The following SRSF11 variants were observed in gnomAD, a reference collection of about 807,000 sequenced individuals.
The protein encoded by SRSF11 is serine/arginine-rich splicing factor 11.
Under a neutral mutation model 56.0 loss-of-function variants are expected in SRSF11, and 9 were observed. The observed-to-expected ratio is 0.16, with a 90% CI of 0.10 to 0.28. The LOEUF (loss-of-function observed/expected upper bound fraction) is 0.28, where lower values mean the gene tolerates loss of function less well. Among genes scored for constraint, SRSF11 ranks in the 10% least tolerant of loss-of-function variants. The probability of loss-of-function intolerance (pLI) is 1.00; values close to 1 mark genes in which losing one functional copy is unlikely to be tolerated. For missense variants in SRSF11, 421 were observed against 600.7 expected (o/e 0.70, Z 3.13); for synonymous variants, 222 against 215.3 (o/e 1.03, Z -0.27).
intron 7 of SRSF11, among the ~76,000 whole-genome samples, chr1:70,241,265 T>C (rs371995074): frequency 6.6e-6 from 1 of 152,214 alleles, no homozygotes; most frequent in African/African-American, 2.4e-5. Context: ...TTGTCACGTC[T>C]CTATTAAAAG....
intron 1 of SRSF11, among the ~76,000 whole-genome samples, chr1:70,222,596 A>G (rs1457041385): frequency 1.3e-5 from 2 of 152,220 alleles, no homozygotes; most frequent in South Asian, 2.1e-4. Context: ...AAATAGTTCA[A>G]AGAAGCTAAG....
intron 6 of SRSF11, 122 bp downstream of exon 6, chr1:70,237,674 T>C: frequency 7.3e-7 from 1 of 1,366,756 alleles, no homozygotes; most frequent in Non-Finnish European, 9.9e-7. Flanking sequence ...GATAAAAGAT[T>C]GTATAGTGGA....
intron 2 of SRSF11, chr1:70,230,274 T>G (rs1672593791): frequency 1.3e-5 from 13 of 1,000,060 alleles, no homozygotes; most frequent in Non-Finnish European, 1.4e-5. Flanking sequence ...AATTCTATTG[T>G]TGGTGAATTT....
intron 3 of SRSF11, among the ~76,000 whole-genome samples, chr1:70,233,629 A>G (rs1324676487): frequency 6.6e-6 from 1 of 152,238 alleles, no homozygotes; most frequent in East Asian, 1.9e-4. Context: ...TTAACACAGC[A>G]TTTTGCCTGT....
rs1166976907 is a variant in SRSF11 at position 70,221,555 on chromosome 1, A to G, written c.-82A>G. The G allele has an allele frequency of 4.0e-6, 6 of 1,516,054 alleles. No individual in the cohort carries two copies. The East Asian group carries it at 7.0e-5, about 18-fold the overall frequency. 93.9% of individuals were successfully genotyped at this position (1,516,054 alleles called of 1,614,324 possible). A position where few individuals can be genotyped will look rare whatever the true frequency, so the allele number is the denominator to read the frequency against. Reference sequence around the variant, plus strand: ...ATCGGACACCCTCCTCTCTCCCGCAATCCGGTTCCTCTTCCCCCTCCTTCT... The same window carrying G: ...ATCGGACACCCTCCTCTCTCCCGCAGTCCGGTTCCTCTTCCCCCTCCTTCT... On this transcript the variant is annotated 5_prime_UTR_variant, in exon 1 of 12. Coordinates refer to ENST00000370949, the MANE Select transcript of SRSF11 (RefSeq NM_001350605.2).
chr1:70,210,590 C>T (rs1669477006), intron 1 of SRSF11, among the ~76,000 whole-genome samples: 1 of 152,130 alleles, frequency 6.6e-6, no homozygotes, highest in Non-Finnish European at 1.5e-5. Context: ...TGGCATGCAC[C>T]TGTGATCCCA....
chr1:70,218,660 T>A (rs1281944056), upstream of SRSF11: 1 of 152,236 alleles, frequency 6.6e-6, no homozygotes, highest in Non-Finnish European at 1.5e-5. Flanking sequence ...CTGTTATTTG[T>A]CCTTTTATCA....
chr1:70,217,129 G>C (rs1406144730), upstream of SRSF11, among the ~76,000 whole-genome samples: 4 of 151,768 alleles, frequency 2.6e-5, no homozygotes, highest in Non-Finnish European at 5.9e-5. Flanking sequence ...ATCTTTGTGG[G>C]GTTTTTTGTG....
chr1:70,234,891 A>T, intron 4 of SRSF11, 103 bp downstream of exon 4: 1 of 931,278 alleles, frequency 1.1e-6, no homozygotes, highest in East Asian at 2.5e-5. Context: ...GCTATGTTGT[A>T]GTAATTTTTT....
chr1:70,243,058 A>G (rs1281278833), intron 7 of SRSF11, among the ~76,000 whole-genome samples: 2 of 152,160 alleles, frequency 1.3e-5, no homozygotes, highest in Admixed American at 6.5e-5. Context: ...CAATAACTCA[A>G]ATAGTTTATT....
At chr1:70,229,396 C>A in intron 2 of SRSF11, 1 of 1,080,338 alleles carries the variant, frequency 9.3e-7, no homozygotes. Flanking sequence ...AGTAATTTGA[C>A]AGAAAAAAAT....
chr1:70,250,670 A>G lies in SRSF11; in HGVS notation c.1320A>G (p.Glu440=), dbSNP rs1677811903. The G allele has an allele frequency of 6.2e-7, 1 of 1,613,886 alleles. No homozygotes were observed. Among genetic ancestry groups the G allele is most frequent in the Admixed American group, 1.7e-5 (1 of 59,978 alleles). ...ATGACAGTGAGAAAGAGAAAAAAGA[A>G]GAGAAGAAACCAATAGAAACAGGTT... ...QGYDSEKEKK[E]EKKPIETGSP... Residue 440 remains glutamate (E), a synonymous_variant, in exon 12 of 12, where the codon GAA becomes GAG. Coordinates refer to ENST00000370949, the MANE Select transcript of SRSF11 (RefSeq NM_001350605.2).
chr1:70,218,783 A>G (rs928753358), upstream of SRSF11: 8 of 152,188 alleles, frequency 5.3e-5, no homozygotes, highest in Non-Finnish European at 7.4e-5. Flanking sequence ...AAAATTAATT[A>G]CCATTCTTTG....
At chr1:70,244,068 A>G (rs117215244) in intron 7 of SRSF11, among the ~76,000 whole-genome samples, 163 of 152,352 alleles carry the variant, frequency 1.1e-3, no homozygotes, top group African/African-American at 3.6e-3. Context: ...TACAAATTGT[A>G]TATATCTGTA....
At chr1:70,247,408 A>G (rs1484712933) in intron 9 of SRSF11, among the ~76,000 whole-genome samples, 1 of 152,120 alleles carries the variant, frequency 6.6e-6, no homozygotes. Context: ...GCACATTTTC[A>G]TACTTAATTT....
intron 1 of SRSF11, among the ~76,000 whole-genome samples, chr1:70,212,348 C>G (rs1442070208): frequency 6.6e-6 from 1 of 152,122 alleles, no homozygotes; most frequent in Non-Finnish European, 1.5e-5. Flanking sequence ...CCTCCACCTC[C>G]TGGGTTCAAG....
intron 1 of SRSF11, among the ~76,000 whole-genome samples, chr1:70,214,960 A>G (rs1477733060): frequency 1.4e-5 from 2 of 145,270 alleles, no homozygotes; most frequent in Non-Finnish European, 3.0e-5. Context: ...ATGCAATGGC[A>G]CAATCTCAGC....
Position 70,251,355 on chromosome 1 carries a change from G to C in SRSF11, c.*550G>C, listed in dbSNP as rs1677922878. On this transcript the variant is annotated 3_prime_UTR_variant, in exon 12 of 12. Transcript: ENST00000370949. ...TGAAATAGATAATCCTTTAAGCCTT[G>C]TGGCAAAATTTTTGTGGCTTTTGTT... 1 of 152,750 alleles carries C rather than the reference G, an allele frequency of 6.5e-6. No homozygotes were observed. The highest frequency in any genetic ancestry group is 1.5e-5 in the Non-Finnish European group (1 of 68,132). 9.5% of individuals were successfully genotyped at this position (152,750 alleles called of 1,614,324 possible). A position where few individuals can be genotyped will look rare whatever the true frequency, so the allele number is the denominator to read the frequency against.
intron 5 of SRSF11, among the ~76,000 whole-genome samples, chr1:70,235,936 T>C (rs1673886291): frequency 3.3e-5 from 5 of 152,220 alleles, no homozygotes; most frequent in Admixed American, 3.3e-4. Context: ...ACATTTTATT[T>C]TAGGTGCTTT....
Sources: gnomAD v4.1 joint callset for allele counts (sites outside exome capture counted in the v4.1 genomes callset) on GRCh38, gnomAD v4.1.1 for gene constraint, MANE v1.5 for transcripts, NCBI Gene and HGNC (gene_info 2026-07-23, HGNC 2026-07-21) for gene names.